CYTH1: variants seen among roughly 807,000 people sequenced by gnomAD.
CYTH1 encodes cytohesin 1, also known as cytohesin-1.
A neutral mutation model predicts 61.8 loss-of-function variants in CYTH1; 18 were observed. The ratio of observed to expected loss-of-function variants is 0.29; its 90% CI spans 0.20 to 0.43. CYTH1 has a LOEUF of 0.43. Among genes scored for constraint, CYTH1 ranks in the 20% least tolerant of loss-of-function variants. The probability of loss-of-function intolerance (pLI) is 1.00; values close to 1 mark genes in which losing one functional copy is unlikely to be tolerated. For missense variants in CYTH1, 336 were observed against 510.5 expected (o/e 0.66, Z 3.29); for synonymous variants, 174 against 184.3 (o/e 0.94, Z 0.45).
intron 1 of CYTH1, among the ~76,000 whole-genome samples, chr17:78,765,663 A>T (rs2093445564): frequency 6.6e-6 from 1 of 152,194 alleles, no homozygotes; most frequent in Non-Finnish European, 1.5e-5. Flanking sequence ...CAGAAGGTTT[A>T]GTCAGGATGG....
chr17:78,778,592 T>C (rs1371841759), intron 1 of CYTH1, among the ~76,000 whole-genome samples: 1 of 140,232 alleles, frequency 7.1e-6, no homozygotes, highest in African/African-American at 2.7e-5. Flanking sequence ...GAACCAAGAT[T>C]GCGTCACTGC....
chr17:78,714,014 G>A (rs1217591444), intron 1 of CYTH1, among the ~76,000 whole-genome samples: 2 of 152,178 alleles, frequency 1.3e-5, no homozygotes, highest in African/African-American at 4.8e-5. Flanking sequence ...AATAGGCCAG[G>A]CGCGGTGGTC....
At chr17:78,718,971 CA>C (rs1259086177) in intron 1 of CYTH1, among the ~76,000 whole-genome samples, 2 of 152,212 alleles carry the variant, frequency 1.3e-5, no homozygotes, top group African/African-American at 4.8e-5. Flanking sequence ...AGCGGGGGTA[CA>C]ACACTGAAGA....
At chr17:78,775,076 C>T (rs2093485758) in intron 1 of CYTH1, among the ~76,000 whole-genome samples, 1 of 152,236 alleles carries the variant, frequency 6.6e-6, no homozygotes, top group Admixed American at 6.5e-5. Flanking sequence ...CACTAGGCAC[C>T]CACCCCTGCA....
At chr17:78,741,254 G>A (rs1367088026) in intron 1 of CYTH1, among the ~76,000 whole-genome samples, 1 of 152,126 alleles carries the variant, frequency 6.6e-6, no homozygotes, top group Non-Finnish European at 1.5e-5. Flanking sequence ...TCAAAACTAG[G>A]CTGGGAGTTG....
At chr17:78,748,999 G>T (rs6501244) in intron 1 of CYTH1, among the ~76,000 whole-genome samples, 2,327 of 152,272 alleles carry the variant, frequency 0.015, 60 homozygotes, top group African/African-American at 0.053. Context: ...AGAGGAGCTT[G>T]CGAGAAGGGC....
At chr17:78,698,498 T>C (rs1358001684) in intron 8 of CYTH1, 118 bp from the exon 9 acceptor site, 1 of 806,456 alleles carries the variant, frequency 1.2e-6, no homozygotes, top group Admixed American at 2.5e-5. Flanking sequence ...GCCTGCTAGA[T>C]GCTGAGACTA....
chr17:78,741,465 T>G (rs1316184582), intron 1 of CYTH1, among the ~76,000 whole-genome samples: 1 of 152,168 alleles, frequency 6.6e-6, no homozygotes, highest in Non-Finnish European at 1.5e-5. Flanking sequence ...AATACCCATA[T>G]CAATCATTAT....
At chr17:78,743,587 G>T (rs1241669395) in intron 1 of CYTH1, among the ~76,000 whole-genome samples, 3 of 152,278 alleles carry the variant, frequency 2.0e-5, no homozygotes, top group South Asian at 4.1e-4. Context: ...CTGAAATCTA[G>T]AACTTGTCTG....
At chr17:78,737,322 T>C (rs1440432613) in intron 1 of CYTH1, among the ~76,000 whole-genome samples, 1 of 152,254 alleles carries the variant, frequency 6.6e-6, no homozygotes, top group Admixed American at 6.5e-5. Flanking sequence ...GCTGTTATGC[T>C]ATATTGTTTA....
rs371761934 is a variant in CYTH1, at chr17:78,752,979, C to A, written c.22+29223G>T. ...ACAGGACACACAAGAACACATAAAG[C>A]AAGAAAAAGTACACTCAGGATTACC... On this transcript the variant is annotated intron_variant, in intron 1 of 13. Transcript: ENST00000446868. Among the ~76,000 whole-genome samples, 20 of 152,222 alleles carry A rather than the reference C, an allele frequency of 1.3e-4. No homozygotes were observed. In the East Asian group the frequency reaches 3.9e-3, roughly 29 times the overall value.
At chr17:78,762,946 T>C (rs774423356) in intron 1 of CYTH1, among the ~76,000 whole-genome samples, 8 of 152,234 alleles carry the variant, frequency 5.3e-5, no homozygotes, top group Non-Finnish European at 7.3e-5. Flanking sequence ...ATAATGTATA[T>C]TGTCTTAAGC....
Position 78,675,825 on chromosome 17 carries a change from G to GGCTGCCCTGCCGACAAGAGC in CYTH1, c.*246_*265dup, listed in dbSNP as rs1294697955. ...CACTGAGCAGAGAAACTGGCCAGGA[G>GGCTGCCCTGCCGACAAGAGC]GCTGCCCTGCCGACAAGAGCTCTGC... is the stretch of plus-strand genomic sequence containing the variant. On this transcript the variant is annotated 3_prime_UTR_variant, in exon 14 of 14. Coordinates refer to ENST00000446868, the MANE Select transcript of CYTH1 (RefSeq NM_004762.6). 4 of 1,428,062 alleles carry GGCTGCCCTGCCGACAAGAGC rather than the reference G, an allele frequency of 2.8e-6. No homozygotes were observed. The African/African-American group carries it at 5.8e-5, about 21-fold the overall frequency. The allele number at this position is 1,428,062 out of a possible 1,614,324, so 88.5% of individuals were successfully genotyped here. A position where few individuals can be genotyped will look rare whatever the true frequency, so the allele number is the denominator to read the frequency against.
chr17:78,746,098 T>A (rs142280928), intron 1 of CYTH1, among the ~76,000 whole-genome samples: 211 of 152,198 alleles, frequency 1.4e-3, no homozygotes, highest in African/African-American at 5.0e-3. Flanking sequence ...AGGCTTCTAC[T>A]ATACAGGCAG....
intron 3 of CYTH1, among the ~76,000 whole-genome samples, chr17:78,705,722 G>A (rs1169752491): frequency 6.6e-6 from 1 of 152,082 alleles, no homozygotes; most frequent in African/African-American, 2.4e-5. Flanking sequence ...TGGCGCTTTC[G>A]ATACCGGAAA....
chr17:78,705,703 C>T (rs563757753), intron 3 of CYTH1, among the ~76,000 whole-genome samples: 3 of 152,150 alleles, frequency 2.0e-5, no homozygotes, highest in Admixed American at 6.5e-5. Context: ...TGCAGAATCA[C>T]TTCCGTCTTG....
At chr17:78,697,240 G>A (rs2092948264) in intron 9 of CYTH1, among the ~76,000 whole-genome samples, 1 of 148,912 alleles carries the variant, frequency 6.7e-6, no homozygotes, top group African/African-American at 2.5e-5. Context: ...GCTGGTATAG[G>A]ACGGAACAGC....
In CYTH1 at chr17:78,700,436, G is replaced by C; in HGVS notation, c.445C>G (p.Leu149Val). 6.2e-7 allele frequency: 1 copy of C among 1,612,230 alleles called. No individual in the cohort carries two copies. Among genetic ancestry groups the C allele is most frequent in the Non-Finnish European group, 8.5e-7 (1 of 1,179,052 alleles). Residue 149 changes from leucine to valine, a missense_variant, in exon 7 of 14, where the codon CTG becomes GTG. Physicochemically the swap from Leu to Val is conservative, Grantham distance 32 (BLOSUM62 1). Around this residue, in one of 4 missense-constraint regions of CYTH1, gnomAD observed 125 missense variants for 209.9 expected, o/e 0.60. Transcript: ENST00000446868. This position sits in a 1 kb window ranked among gnomAD's most constrained non-coding sequence, Gnocchi z 5.1. ...LNLVQALRQF[L>V]WSFRLPGEAQ... is the part of the protein sequence containing the mutation. ...TCTCCGGGTAGCCGGAAGCTCCACA[G>C]GAACTGCCTGAGTGGGTAAAGACAG...
rs146985780 is a variant in CYTH1, at chr17:78,772,760, T to A, written c.22+9442A>T. On this transcript the variant is annotated intron_variant, in intron 1 of 13. Transcript: ENST00000446868. ...ACAATGTTGGCCAGGATGGTCTCGA[T>A]CTCTTGACCTCATGATCCGGCCACC... Among the ~76,000 whole-genome samples, 31 of 152,118 alleles carry A rather than the reference T, an allele frequency of 2.0e-4. No individual in the cohort carries two copies. In the East Asian group the frequency reaches 6.0e-3, roughly 29 times the overall value.
Sources: gnomAD v4.1 joint callset for allele counts (sites outside exome capture counted in the v4.1 genomes callset) on GRCh38, gnomAD v4.1.1 for gene constraint, gnomAD v4.1.1 regional missense constraint, Gnocchi (gnomAD v3.1) non-coding constraint, MANE v1.5 for transcripts, NCBI Gene and HGNC (gene_info 2026-07-23, HGNC 2026-07-21) for gene names.